Variants in PGLYRP2 observed in about 807,000 individuals in gnomAD.
PGLYRP2 encodes peptidoglycan recognition protein 2, also known as N-acetylmuramoyl-L-alanine amidase.
In PGLYRP2, 38 loss-of-function variants were observed where a neutral mutation model predicts 46.2. The ratio of observed to expected loss-of-function variants is 0.82; its 90% CI spans 0.64 to 1.08. PGLYRP2 has a LOEUF of 1.08. Among genes scored for constraint, PGLYRP2 ranks in the 50% least tolerant of loss-of-function variants. PGLYRP2 has a pLI of 0.00. For synonymous variants in PGLYRP2, 289 were observed against 329.4 expected, an observed-to-expected ratio of 0.88 and a Z score of 1.33; for missense variants, 713 against 755.9, an observed-to-expected ratio of 0.94 and a Z score of 0.67.
Position 15,469,622 on chromosome 19 carries a change from G to A in PGLYRP2, c.1641+10C>T, listed in dbSNP as rs1400648161. ...CGGCGGGCCGTGTAGTGCAGGCTGC[G>A]AAGACTCACCGCGGTGAAGTGCGGC... is the stretch of plus-strand genomic sequence containing the variant. On this transcript the variant is annotated intron_variant, in intron 4 of 4. Transcript: ENST00000340880. This position sits in a 1 kb window ranked among gnomAD's most constrained non-coding sequence, Gnocchi z 4.9. 1 of 1,576,308 alleles carries A rather than the reference G, an allele frequency of 6.3e-7. No individual in the cohort carries two copies. The highest frequency in any genetic ancestry group is 8.6e-7 in the Non-Finnish European group (1 of 1,167,456).
chr19:15,477,026 G>A (rs1970803875), intron 1 of PGLYRP2, among the ~76,000 whole-genome samples: 2 of 152,202 alleles, frequency 1.3e-5, no homozygotes, highest in African/African-American at 2.4e-5. Context: ...CAGATCGTGA[G>A]AGGGAGAGAT....
intron 4 of PGLYRP2, chr19:15,468,967 G>A (rs1358557799): frequency 2.0e-6 from 1 of 508,460 alleles, no homozygotes; most frequent in Non-Finnish European, 3.5e-6. Context: ...GTCCAGGTGT[G>A]ATTCTAAAAT....
intron 3 of PGLYRP2, among the ~76,000 whole-genome samples, chr19:15,470,289 CTTCCTTCT>C (rs1291788778): frequency 8.9e-5 from 11 of 123,974 alleles, no homozygotes; most frequent in Admixed American, 6.9e-4. Context: ...TCCTTCCTTC[CTTCCTTCT>C]TTCTTTCTTT....
chr19:15,478,239 TGGG>T (rs1401694234), intron 1 of PGLYRP2, among the ~76,000 whole-genome samples: 3 of 151,810 alleles, frequency 2.0e-5, no homozygotes, highest in African/African-American at 7.3e-5. Context: ...CCCAGCTACT[TGGG>T]GGGCTGAGGC....
At position 15,472,011 on chromosome 19, in the gene PGLYRP2, A is replaced by G. The variant is rs1395092070; in HGVS notation, c.1222T>C (p.Tyr408His). ...KLLQLPLGFL[Y>H]VHHTYVPAPP... ...GCAGGCACGTAGGTGTGATGCACGT[A>G]CAAGAATCCCAGCGGCAGCTGCAGC... The change falls in exon 3 of 5, where the codon TAC becomes CAC. Residue 408 changes from tyrosine (Y) to histidine (H), a missense_variant. Coordinates refer to ENST00000340880, the MANE Select transcript of PGLYRP2 (RefSeq NM_052890.4). 3.7e-6 allele frequency: 6 copies of G among 1,613,542 alleles called. No homozygotes were observed. Among genetic ancestry groups the G allele is most frequent in the Non-Finnish European group, 5.1e-6 (6 of 1,179,984 alleles).
In PGLYRP2 at chr19:15,478,808, G is replaced by A. The variant is rs549983478; in HGVS notation, c.61+503C>T. On this transcript the variant is annotated intron_variant, in intron 1 of 4. Transcript: ENST00000340880. ...GCTAATTTTTGGTATTTTTAGTAGA[G>A]ATGGGGTTTCACCATGTTGGCCAGG... Among the ~76,000 whole-genome samples, 41 of 152,148 alleles carry A rather than the reference G, an allele frequency of 2.7e-4. 1 individual carries two copies. The highest frequency in any genetic ancestry group is 9.4e-4 in the African/African-American group (39 of 41,508).
At chr19:15,470,635 T>TCTTCC (rs920749388) in intron 3 of PGLYRP2, among the ~76,000 whole-genome samples, 20 of 145,586 alleles carry the variant, frequency 1.4e-4, no homozygotes, top group Non-Finnish European at 1.0e-4. Flanking sequence ...ACCCCTCCCT[T>TCTTCC]CTTCCCTTCC....
chr19:15,470,000 C>A lies in PGLYRP2; in HGVS notation c.1344-71G>T. ...CCCGGGCCCTTATCCGCTCCCCTCC[C>A]CGATTCTGTTGGTGTGCCAAGGGCC... On this transcript the variant is annotated intron_variant, in intron 3 of 4. Transcript: ENST00000340880. This position sits in a 1 kb window ranked among gnomAD's most constrained non-coding sequence, Gnocchi z 4.9. The A allele has an allele frequency of 7.5e-7, 1 of 1,326,774 alleles. No homozygotes were observed. The highest frequency in any genetic ancestry group is 3.0e-5 in the East Asian group (1 of 33,512). The allele number at this position is 1,326,774 out of a possible 1,614,324, so 82.2% of individuals were successfully genotyped here. A position where few individuals can be genotyped will look rare whatever the true frequency, so the allele number is the denominator to read the frequency against.
chr19:15,476,113 C>G lies in PGLYRP2; in HGVS notation c.557G>C (p.Gly186Ala). The change falls in exon 2 of 5, where the codon GGA becomes GCA. Residue 186 changes from glycine (G) to alanine (A), a missense_variant. Physicochemically the swap from Gly to Ala is moderately conservative, Grantham distance 60. Coordinates refer to ENST00000340880, the MANE Select transcript of PGLYRP2 (RefSeq NM_052890.4). ...TTTTGTAGCATCTGGAGTGTTGGCT[C>G]CAATATCTGCAGTGGTGACATCTGG... ...GSPDVTTADI[G>A]ANTPDATKGC... is the part of the protein sequence containing the mutation. 1 of 1,614,142 alleles carries G rather than the reference C, an allele frequency of 6.2e-7. No homozygotes were observed. Among genetic ancestry groups the G allele is most frequent in the Non-Finnish European group, 8.5e-7 (1 of 1,180,028 alleles).
At chr19:15,472,127 G>C in intron 2 of PGLYRP2, 27 bp from the exon 3 acceptor site, 4 of 1,575,618 alleles carry the variant, frequency 2.5e-6, no homozygotes, top group Non-Finnish European at 3.4e-6. Context: ...TGAAGGCTGG[G>C]GTCAGGAACT....
At chr19:15,477,392 C>CAA (rs34640786) in intron 1 of PGLYRP2, among the ~76,000 whole-genome samples, 1,076 of 80,386 alleles carry the variant, frequency 0.013, 13 homozygotes, top group African/African-American at 0.028. Flanking sequence ...GACTTTGTCT[C>CAA]AAAAAAAAAA....
intron 4 of PGLYRP2, 65 bp from the exon 5 acceptor site, chr19:15,468,817 C>T: frequency 7.7e-7 from 1 of 1,304,858 alleles, no homozygotes; most frequent in South Asian, 1.3e-5. Flanking sequence ...GTCTGCCCTC[C>T]TGGTGGTGGA....
chr19:15,472,163 C>T (rs1009974507), intron 2 of PGLYRP2, 63 bp from the exon 3 acceptor site: 3 of 1,361,062 alleles, frequency 2.2e-6, no homozygotes, highest in Non-Finnish European at 3.0e-6. Context: ...CCTCCACCCG[C>T]ATTAAAGCGC....
chr19:15,469,212 G>T lies in PGLYRP2; in HGVS notation c.1641+420C>A. ...ACAGAGGGCCTTCGGGTAGGGGCAGGGGTGAGGTCAAGGTTCGGCGGGCCA... is the reference window on the plus strand; with the variant it reads ...ACAGAGGGCCTTCGGGTAGGGGCAGTGGTGAGGTCAAGGTTCGGCGGGCCA... On this transcript the variant is annotated intron_variant, in intron 4 of 4. Coordinates refer to ENST00000340880, the MANE Select transcript of PGLYRP2 (RefSeq NM_052890.4). This position sits in a 1 kb window ranked among gnomAD's most constrained non-coding sequence, Gnocchi z 4.9. The T allele has an allele frequency of 1.7e-6, 1 of 596,608 alleles. No individual in the cohort carries two copies. Among genetic ancestry groups the T allele is most frequent in the Non-Finnish European group, 3.0e-6 (1 of 334,308 alleles). 37.0% of individuals were successfully genotyped at this position (596,608 alleles called of 1,614,324 possible). A position where few individuals can be genotyped will look rare whatever the true frequency, so the allele number is the denominator to read the frequency against.
At chr19:15,470,399 C>A (rs1447582743) in intron 3 of PGLYRP2, among the ~76,000 whole-genome samples, 1 of 149,242 alleles carries the variant, frequency 6.7e-6, no homozygotes, top group African/African-American at 2.5e-5. Flanking sequence ...CGGGTTCAAG[C>A]GATTCTCCTG....
At position 15,476,016 on chromosome 19, in the gene PGLYRP2, G is replaced by C. The variant is rs751976579; in HGVS notation, c.654C>G (p.Leu218=). ...GGTTTCCAGCCAGGGTGACTGCCAGGAGGCTGTCCACCATGGTCGGTGGGG... is the reference window on the plus strand; with the variant it reads ...GGTTTCCAGCCAGGGTGACTGCCAGCAGGCTGTCCACCATGGTCGGTGGGG... ...AKSPPTMVDS[L]LAVTLAGNLG... Residue 218 remains leucine (L), a synonymous_variant, in exon 2 of 5, where the codon CTC becomes CTG. Transcript: ENST00000340880. The C allele has an allele frequency of 6.2e-7, 1 of 1,614,186 alleles. No individual in the cohort carries two copies. The highest frequency in any genetic ancestry group is 8.5e-7 in the Non-Finnish European group (1 of 1,180,030).
rs1970827187 is a variant in PGLYRP2 at position 15,479,500 on chromosome 19, A to G, written c.-129T>C. 1 of 901,454 alleles carries G rather than the reference A, an allele frequency of 1.1e-6. No homozygotes were observed. Among genetic ancestry groups the G allele is most frequent in the African/African-American group, 1.6e-5 (1 of 60,678 alleles). 55.8% of individuals were successfully genotyped at this position (901,454 alleles called of 1,614,324 possible). A position where few individuals can be genotyped will look rare whatever the true frequency, so the allele number is the denominator to read the frequency against. ...GACCACTGTCAAAGTCCAGCGGCGAATGACAGACCTGCCTCTCGTAGAGCT... is the reference window on the plus strand; with the variant it reads ...GACCACTGTCAAAGTCCAGCGGCGAGTGACAGACCTGCCTCTCGTAGAGCT... On this transcript the variant is annotated 5_prime_UTR_variant, in exon 1 of 5. Coordinates refer to ENST00000340880, the MANE Select transcript of PGLYRP2 (RefSeq NM_052890.4).
chr19:15,472,805 T>C (rs1970762009), intron 2 of PGLYRP2, among the ~76,000 whole-genome samples: 2 of 152,118 alleles, frequency 1.3e-5, no homozygotes, highest in East Asian at 1.9e-4. Flanking sequence ...AATATCAAAG[T>C]CATTTTTCAC....
In PGLYRP2 at chr19:15,479,310, C is replaced by G; in HGVS notation, c.61+1G>C. On this transcript the variant is annotated splice_donor_variant, in intron 1 of 4. Coordinates refer to ENST00000340880, the MANE Select transcript of PGLYRP2 (RefSeq NM_052890.4). LOFTEE classifies it high-confidence loss of function. ...TCCCAGGACTCTGCCCCCTGACTCA[C>G]CTGTCCCTGGGTCTGACCACAGTAG... The G allele has an allele frequency of 6.2e-7, 1 of 1,614,084 alleles. No homozygotes were observed. Among genetic ancestry groups the G allele is most frequent in the Non-Finnish European group, 8.5e-7 (1 of 1,179,986 alleles).
Sources: gnomAD v4.1 joint callset for allele counts (sites outside exome capture counted in the v4.1 genomes callset) on GRCh38, gnomAD v4.1.1 for gene constraint, Gnocchi (gnomAD v3.1) non-coding constraint, MANE v1.5 for transcripts, NCBI Gene and HGNC (gene_info 2026-07-23, HGNC 2026-07-21) for gene names.